Variants in SAMD4B observed in about 807,000 individuals in gnomAD.
The protein encoded by SAMD4B is protein Smaug homolog 2.
SAMD4B carries 5 observed loss-of-function variants against 74.5 expected under a neutral mutation model. That is an observed-to-expected ratio of 0.07 (90% CI 0.04 to 0.14). The LOEUF is 0.14. SAMD4B is among the 10% of genes least tolerant of loss of function. The pLI is 1.00. For synonymous variants in SAMD4B, 373 were observed against 374.9 expected, an observed-to-expected ratio of 1.00 and a Z score of 0.06; for missense variants, 608 against 921.8, an observed-to-expected ratio of 0.66 and a Z score of 4.41.
chr19:39,380,849 A>G (rs73547920), intron 11 of SAMD4B, 64 bp downstream of exon 11: 374 of 1,501,168 alleles, frequency 2.5e-4, no homozygotes, highest in African/African-American at 2.1e-3. Context: ...TGGGATGTCT[A>G]TTTGCCTGTA....
At chr19:39,376,397 G>A in intron 5 of SAMD4B, 40 bp from the exon 6 acceptor site, 1 of 1,544,072 alleles carries the variant, frequency 6.5e-7, no homozygotes, top group Non-Finnish European at 8.9e-7. Context: ...GGTAATCTGG[G>A]CCAAACTCCT....
At chr19:39,369,581 A>G (rs928954826) in intron 3 of SAMD4B, 74 bp from the exon 4 acceptor site, 3 of 1,190,722 alleles carry the variant, frequency 2.5e-6, no homozygotes, top group Non-Finnish European at 3.6e-6. Context: ...GGAATAGGCC[A>G]TAGGCAGTGC....
At chr19:39,347,614 CA>C (rs1410238304) in intron 1 of SAMD4B, among the ~76,000 whole-genome samples, 16 of 152,270 alleles carry the variant, frequency 1.1e-4, no homozygotes, top group Admixed American at 9.8e-4. Flanking sequence ...ATGGTGGCCT[CA>C]GGGGAGCAGA....
intron 3 of SAMD4B, among the ~76,000 whole-genome samples, chr19:39,361,714 G>C (rs997432142): frequency 3.3e-5 from 5 of 151,884 alleles, no homozygotes; most frequent in African/African-American, 1.2e-4. Flanking sequence ...ACGAGGTCAG[G>C]AGATGGAGAC....
At chr19:39,373,280 G>A (rs79567002) in intron 4 of SAMD4B, among the ~76,000 whole-genome samples, 16 of 152,262 alleles carry the variant, frequency 1.1e-4, no homozygotes, top group Non-Finnish European at 2.1e-4. Context: ...GGCTGACTTG[G>A]GGTACTTCTG....
chr19:39,388,813 T>C, downstream of SAMD4B: 1 of 1,614,192 alleles, frequency 6.2e-7, no homozygotes, highest in Non-Finnish European at 8.5e-7. Context: ...ACTCGTGTCC[T>C]TGGGGGCTGG....
At position 39,356,722 on chromosome 19, in the gene SAMD4B, C is replaced by G; in HGVS notation, c.-172C>G. ...AGAGGCGTGGCTGGACCAAGACCTC[C>G]CCCCATGTGAGCAGGCTTCCTCCTC... On this transcript the variant is annotated 5_prime_UTR_variant, in exon 3 of 14. Transcript: ENST00000610417. 1.8e-6 allele frequency: 1 copy of G among 565,730 alleles called. No homozygotes were observed. The highest frequency in any genetic ancestry group is 2.5e-5 in the South Asian group (1 of 40,240). The allele number at this position is 565,730 out of a possible 1,614,324, so 35.0% of individuals were successfully genotyped here. A position where few individuals can be genotyped will look rare whatever the true frequency, so the allele number is the denominator to read the frequency against.
In SAMD4B at chr19:39,375,787, C is replaced by A; in HGVS notation, c.805C>A (p.Pro269Thr). 6.2e-7 allele frequency: 1 copy of A among 1,614,144 alleles called. No individual in the cohort carries two copies. Among genetic ancestry groups the A allele is most frequent in the Non-Finnish European group, 8.5e-7 (1 of 1,180,036 alleles). Residue 269 changes from proline to threonine, a missense_variant, in exon 5 of 14, where the codon CCT (proline) becomes ACT (threonine). Transcript: ENST00000610417. This position sits in a 1 kb window ranked among gnomAD's most constrained non-coding sequence, Gnocchi z 4.1. ...RAAFTTPDHA[P>T]LSPQSSVASS... is the part of the protein sequence containing the mutation. ...TGCTTTTACCACGCCCGATCACGCA[C>A]CTCTCTCGCCCCAGAGCAGCGTGGC...
At chr19:39,377,078 T>C (rs762785199) in intron 7 of SAMD4B, among the ~76,000 whole-genome samples, 2 of 152,248 alleles carry the variant, frequency 1.3e-5, no homozygotes, top group Non-Finnish European at 2.9e-5. Flanking sequence ...CTGGTCTTTC[T>C]GGTAGAGCAG....
intron 3 of SAMD4B, chr19:39,369,274 G>T (rs2077152042): frequency 3.6e-6 from 1 of 279,328 alleles, no homozygotes; most frequent in South Asian, 3.8e-5. Flanking sequence ...ACTAAGTGTG[G>T]CCCCAGTATG....
intron 1 of SAMD4B, chr19:39,350,048 CATAT>C (rs2145256583): frequency 6.6e-6 from 1 of 152,228 alleles, no homozygotes; most frequent in African/African-American, 2.4e-5. Context: ...ATAATATATT[CATAT>C]ATGTATGTTA....
downstream of SAMD4B, chr19:39,390,319 T>G (rs1219212778): frequency 6.3e-7 from 1 of 1,597,930 alleles, no homozygotes. Context: ...CAGTGATAGG[T>G]GGAGAGGACG....
At chr19:39,356,364 T>C (rs532176894) in intron 2 of SAMD4B, among the ~76,000 whole-genome samples, 1 of 152,290 alleles carries the variant, frequency 6.6e-6, no homozygotes, top group South Asian at 2.1e-4. Context: ...CAGCCTACTA[T>C]TTCCCACTTC....
chr19:39,385,383 G>A lies in SAMD4B; in HGVS notation c.*1856G>A, dbSNP rs1388602115. The A allele has an allele frequency of 4.9e-6, 2 of 405,208 alleles. No individual in the cohort carries two copies. The highest frequency in any genetic ancestry group is 4.4e-6 in the Non-Finnish European group (1 of 229,764). The allele number at this position is 405,208 out of a possible 1,614,324, so 25.1% of individuals were successfully genotyped here. On this transcript the variant is annotated 3_prime_UTR_variant, in exon 14 of 14. Coordinates refer to ENST00000610417, the MANE Select transcript of SAMD4B (RefSeq NM_001384574.2). ...CTGACTGTGCCTGGCACTGGGAGGT[G>A]GTGAGGGACACCGTCTCACACACAC... is the stretch of plus-strand genomic sequence containing the variant.
chr19:39,385,863 T>C, downstream of SAMD4B: 1 of 1,390,972 alleles, frequency 7.2e-7, no homozygotes, highest in African/African-American at 1.4e-5. Context: ...AAAGAGAAGT[T>C]GACTTTATTA....
At chr19:39,359,624 G>A (rs2076534122) in intron 3 of SAMD4B, among the ~76,000 whole-genome samples, 1 of 152,134 alleles carries the variant, frequency 6.6e-6, no homozygotes, top group Non-Finnish European at 1.5e-5. Context: ...CAACAACTCT[G>A]TACTCCCCTG....
At chr19:39,390,268 C>T, downstream of SAMD4B, 1 of 1,613,594 alleles carries the variant, frequency 6.2e-7, no homozygotes, top group Non-Finnish European at 8.5e-7. Flanking sequence ...ACCTCTCAGG[C>T]AGAGTCCGGT....
At chr19:39,368,233 A>G (rs2077089581) in intron 3 of SAMD4B, among the ~76,000 whole-genome samples, 1 of 151,974 alleles carries the variant, frequency 6.6e-6, no homozygotes, top group Admixed American at 6.6e-5. Context: ...GAAAAGGGAA[A>G]CCTGGCTTAT....
rs1473043055 is a variant in SAMD4B, at chr19:39,384,597, C to T, written c.*1070C>T. 6.6e-6 allele frequency: 1 copy of T among 152,612 alleles called. No homozygotes were observed. Among genetic ancestry groups the T allele is most frequent in the Non-Finnish European group, 1.5e-5 (1 of 68,046 alleles). 9.5% of individuals were successfully genotyped at this position (152,612 alleles called of 1,614,324 possible). A position where few individuals can be genotyped will look rare whatever the true frequency, so the allele number is the denominator to read the frequency against. ...CTTAAGTGGAACACTATATCATAAC[C>T]CAGAGATTCGTCCCAGCCCCAGAGT... On this transcript the variant is annotated 3_prime_UTR_variant, in exon 14 of 14. Transcript: ENST00000610417.
Sources: allele counts gnomAD v4.1 joint callset (sites outside exome capture counted in the v4.1 genomes callset), GRCh38; gene constraint gnomAD v4.1.1; non-coding constraint Gnocchi (gnomAD v3.1); transcripts MANE v1.5; gene names NCBI Gene and HGNC (gene_info 2026-07-23, HGNC 2026-07-21).